Variants in TTC14 observed in about 807,000 individuals in gnomAD.
The protein encoded by TTC14 is tetratricopeptide repeat protein 14.
TTC14 carries 63 observed loss-of-function variants against 79.9 expected under a neutral mutation model. That is an observed-to-expected ratio of 0.79 (90% confidence interval 0.64 to 0.97). The LOEUF (loss-of-function observed/expected upper bound fraction) is 0.97. Among genes scored for constraint, TTC14 ranks in the 50% least tolerant of loss-of-function variants. TTC14 has a pLI of 0.00. For synonymous variants in TTC14, 335 were observed against 309.6 expected (o/e 1.08, Z -0.86); for missense variants, 895 against 894.0 (o/e 1.00, Z -0.01).
At chr3:180,606,157 A>G (rs887387754) in intron 7 of TTC14, 96 bp from the exon 8 acceptor site, 5 of 1,536,834 alleles carry the variant, frequency 3.3e-6, no homozygotes, top group Middle Eastern at 1.8e-4. Context: ...TATTTTGCCA[A>G]GTTTGATGAC....
chr3:180,607,761 T>C lies in TTC14; in HGVS notation c.1286T>C (p.Met429Thr), dbSNP rs1435221278. 8 of 1,608,936 alleles carry C rather than the reference T, an allele frequency of 5.0e-6. No homozygotes were observed. The African/African-American group carries it at 9.3e-5, about 19-fold the overall frequency. The change falls in exon 10 of 12, where the codon ATG becomes ACG. Residue 429 changes from methionine (M) to threonine (T), a missense_variant. Transcript: ENST00000296015. Reference protein sequence around the residue: ...EDALQKLHKYMQKSLELREKQ... With the variant: ...EDALQKLHKYTQKSLELREKQ... ...GCTTTGCAGAAACTTCATAAATATA[T>C]GCAGGTGATTCCTTATTTCCTCTTA...
At chr3:180,614,795 A>T (rs1287388618), downstream of TTC14, 1 of 743,898 alleles carries the variant, frequency 1.3e-6, no homozygotes. Context: ...TTTTAAAACT[A>T]TCAGTTTTTA....
intron 7 of TTC14, 33 bp downstream of exon 7, chr3:180,605,870 ATCTAGTC>A (rs1274450807): frequency 6.4e-7 from 1 of 1,565,024 alleles, no homozygotes; most frequent in African/African-American, 1.4e-5. Flanking sequence ...ATTGCATTAT[ATCTAGTC>A]TAAAAGCTTA....
At chr3:180,606,451 C>T (rs778720025) in intron 8 of TTC14, 30 bp from the exon 9 acceptor site, 16 of 1,613,086 alleles carry the variant, frequency 9.9e-6, no homozygotes, top group Admixed American at 3.3e-5. Context: ...TTGTGAGATA[C>T]AGCCCTCTAT....
chr3:180,603,199 G>T lies in TTC14; in HGVS notation c.362G>T (p.Arg121Leu), dbSNP rs759235167. ...PSMDRRELFF[R>L]DIERGDIVIG... ...ATGGATCGGAGAGAGCTGTTTTTCC[G>T]AGATATTGAGCGTGGTGATATAGTG... is the stretch of plus-strand genomic sequence containing the variant. Residue 121 changes from arginine to leucine, a missense_variant, in exon 3 of 12, where the codon CGA becomes CTA. Coordinates refer to ENST00000296015, the MANE Select transcript of TTC14 (RefSeq NM_133462.4). 1.9e-6 allele frequency: 3 copies of T among 1,613,964 alleles called. No individual in the cohort carries two copies. In the South Asian group the frequency reaches 3.3e-5, roughly 18 times the overall value.
At chr3:180,615,072 G>T, downstream of TTC14, 1 of 1,530,322 alleles carries the variant, frequency 6.5e-7, no homozygotes, top group East Asian at 2.4e-5. Flanking sequence ...TGTACTCCTA[G>T]ATGACCTAGA....
rs1255437525 is a variant in TTC14 at position 180,616,682 on chromosome 3, G to A, written c.1775-698G>A. 6.3e-7 allele frequency: 1 copy of A among 1,589,044 alleles called. No individual in the cohort carries two copies. Among genetic ancestry groups the A allele is most frequent in the East Asian group, 2.3e-5 (1 of 44,248 alleles). On this transcript the variant is annotated intron_variant, in intron 12 of 12. Transcript: ENST00000382584. Reference sequence around the variant, plus strand: ...GTCTTTCAAAAGACGGATTTCCTTTGTGAGTTTTGCACACTGTTGGTAAAT... The same window carrying A: ...GTCTTTCAAAAGACGGATTTCCTTTATGAGTTTTGCACACTGTTGGTAAAT...
At chr3:180,607,144 C>T (rs952907348) in intron 9 of TTC14, among the ~76,000 whole-genome samples, 5 of 152,188 alleles carry the variant, frequency 3.3e-5, no homozygotes, top group Non-Finnish European at 7.4e-5. Context: ...ACCCAAAGCA[C>T]TTTGCAACAT....
chr3:180,610,451 G>C lies in TTC14; in HGVS notation c.2222G>C (p.Ser741Thr), dbSNP rs765189047. 23 of 1,610,272 alleles carry C rather than the reference G, an allele frequency of 1.4e-5. No homozygotes were observed. Among genetic ancestry groups the C allele is most frequent in the Non-Finnish European group, 2.0e-5 (23 of 1,178,990 alleles). ...AGTAGCAAAGAACACTCAGAAAGCA[G>C]TGTTAAGAAAAATTTACCTCAGAAT... Reference protein sequence around the residue: ...ALSSKEHSESSVKKNLPQNLL... With the variant: ...ALSSKEHSESTVKKNLPQNLL... The change falls in exon 12 of 12, where the codon AGT becomes ACT. Residue 741 changes from serine to threonine, a missense_variant. Physicochemically the swap from Ser to Thr is moderately conservative, Grantham distance 58. Coordinates refer to ENST00000296015, the MANE Select transcript of TTC14 (RefSeq NM_133462.4).
Position 180,610,067 on chromosome 3 carries a change from C to T in TTC14, c.1838C>T (p.Thr613Ile). 3 of 1,613,826 alleles carry T rather than the reference C, an allele frequency of 1.9e-6. No individual in the cohort carries two copies. The highest frequency in any genetic ancestry group is 2.5e-6 in the Non-Finnish European group (3 of 1,179,890). ...SYKTQAGSSK[T>I]EKPYKSERHF... ...AAAACCCAAGCAGGTAGTAGCAAAA[C>T]AGAAAAGCCATATAAATCAGAAAGA... Residue 613 changes from threonine to isoleucine, a missense_variant, in exon 12 of 12, where the codon ACA (threonine) becomes ATA (isoleucine). By Grantham distance (89) the Thr-to-Ile change is moderately conservative. Coordinates refer to ENST00000296015, the MANE Select transcript of TTC14 (RefSeq NM_133462.4).
chr3:180,611,154 C>T, downstream of TTC14: 1 of 985,242 alleles, frequency 1.0e-6, no homozygotes, highest in Non-Finnish European at 1.2e-6. Context: ...AGCATAAGTG[C>T]CTTAGGAATA....
rs1031246689 is a variant in TTC14 at position 180,603,205 on chromosome 3, T to C, written c.368T>C (p.Ile123Thr). Residue 123 changes from isoleucine to threonine, a missense_variant, in exon 3 of 12, where the codon ATT (isoleucine) becomes ACT (threonine). Physicochemically the swap from Ile to Thr is moderately conservative, Grantham distance 89 (BLOSUM62 -1). Coordinates refer to ENST00000296015, the MANE Select transcript of TTC14 (RefSeq NM_133462.4). Reference sequence around the variant, plus strand: ...CGGAGAGAGCTGTTTTTCCGAGATATTGAGCGTGGTGATATAGTGATTGGA... The same window carrying C: ...CGGAGAGAGCTGTTTTTCCGAGATACTGAGCGTGGTGATATAGTGATTGGA... ...MDRRELFFRDIERGDIVIGRI... is the reference protein window; with the variant it reads ...MDRRELFFRDTERGDIVIGRI... The C allele has an allele frequency of 8.1e-6, 13 of 1,614,136 alleles. No individual in the cohort carries two copies. Among genetic ancestry groups the C allele is most frequent in the Non-Finnish European group, 1.1e-5 (13 of 1,180,016 alleles).
chr3:180,610,284 C>A lies in TTC14; in HGVS notation c.2055C>A (p.Tyr685Ter). Residue 685 changes from tyrosine (Y) to a stop codon, truncating the protein, a stop_gained, in exon 12 of 12, where the codon TAC becomes TAA. Coordinates refer to ENST00000296015, the MANE Select transcript of TTC14 (RefSeq NM_133462.4). LOFTEE classifies it high-confidence loss of function. ...ACTCTTGGAAGTCAGTTGAGAAATA[C>A]AAAAAATACGCTCACTCTGGATCAC... ...SEYSWKSVEK[Y>*]KKYAHSGSRD... 1 of 1,613,246 alleles carries A rather than the reference C, an allele frequency of 6.2e-7. No homozygotes were observed. Among genetic ancestry groups the A allele is most frequent in the Non-Finnish European group, 8.5e-7 (1 of 1,179,770 alleles).
intron 11 of TTC14, 94 bp downstream of exon 11, chr3:180,608,904 A>G (rs1716839929): frequency 9.4e-6 from 12 of 1,273,386 alleles, no homozygotes; most frequent in Non-Finnish European, 1.1e-5. Context: ...AAAATATGAA[A>G]GTATTTCAAG....
intron 10 of TTC14, 105 bp downstream of exon 10, chr3:180,607,870 T>C: frequency 6.6e-7 from 1 of 1,513,182 alleles, no homozygotes; most frequent in Non-Finnish European, 8.8e-7. Flanking sequence ...TAAGGCATTA[T>C]GAAAAGTTTC....
At chr3:180,615,002 AGAG>A, downstream of TTC14, 1 of 1,562,258 alleles carries the variant, frequency 6.4e-7, no homozygotes, top group Non-Finnish European at 8.7e-7. Flanking sequence ...CTACTAGTGA[AGAG>A]GAGGCCGGGA....
In TTC14 at chr3:180,605,023, A is replaced by T; in HGVS notation, c.857+16A>T. On this transcript the variant is annotated intron_variant, in intron 6 of 11. Coordinates refer to ENST00000296015, the MANE Select transcript of TTC14 (RefSeq NM_133462.4). ...GCCTACAAAGGTATAGTACATCAGT[A>T]TTACTCTTAGATGGTGAGGGGAGTG... 6.2e-7 allele frequency: 1 copy of T among 1,600,384 alleles called. No individual in the cohort carries two copies. The highest frequency in any genetic ancestry group is 8.5e-7 in the Non-Finnish European group (1 of 1,174,334).
At chr3:180,604,741 C>G (rs1716580340) in intron 5 of TTC14, 111 bp from the exon 6 acceptor site, 2 of 1,407,686 alleles carry the variant, frequency 1.4e-6, no homozygotes, top group Non-Finnish European at 9.6e-7. Flanking sequence ...GCCACACCAT[C>G]TTATGCAAAA....
chr3:180,605,858 C>G (rs1026497180), intron 7 of TTC14, 21 bp downstream of exon 7: 2 of 1,570,842 alleles, frequency 1.3e-6, no homozygotes, highest in African/African-American at 1.4e-5. Context: ...TGTCTTTCAA[C>G]AATTGCATTA....
Sources: allele counts gnomAD v4.1 joint callset (sites outside exome capture counted in the v4.1 genomes callset), GRCh38; gene constraint gnomAD v4.1.1; transcripts MANE v1.5; gene names NCBI Gene and HGNC (gene_info 2026-07-23, HGNC 2026-07-21).